The following VPS37A variants were observed in gnomAD, a reference collection of about 807,000 sequenced individuals.
The protein encoded by VPS37A is vacuolar protein sorting-associated protein 37A.
VPS37A carries 30 observed loss-of-function variants against 49.8 expected under a neutral mutation model. The ratio of observed to expected loss-of-function variants is 0.60; its 90% CI spans 0.45 to 0.82. The LOEUF (loss-of-function observed/expected upper bound fraction) is 0.82. Ranked by LOEUF, VPS37A falls within the 40% of genes least tolerant of loss-of-function variation. The probability of loss-of-function intolerance (pLI) is 0.00; values close to 1 mark genes in which losing one functional copy is unlikely to be tolerated. For missense variants in VPS37A, 593 were observed against 464.4 expected, an observed-to-expected ratio of 1.28 and a Z score of -2.55; for synonymous variants, 195 against 160.6, an observed-to-expected ratio of 1.21 and a Z score of -1.62.
chr8:17,328,910 A>G, the VPS37A span, among the ~76,000 whole-genome samples: 1 of 152,192 alleles, frequency 6.6e-6, no homozygotes, highest in Non-Finnish European at 1.5e-5. Context: ...TGAGACTTAC[A>G]AATGGAAGTT....
the VPS37A span, chr8:17,311,785 T>C: frequency 2.4e-6 from 3 of 1,261,106 alleles, no homozygotes; most frequent in African/African-American, 1.5e-5. Flanking sequence ...CCCCCCCTAA[T>C]TAGGGCAGAG....
At chr8:17,304,427 G>C (rs375705557), downstream of VPS37A, 11 of 1,613,958 alleles carry the variant, frequency 6.8e-6, no homozygotes, top group Non-Finnish European at 8.5e-6. Flanking sequence ...GGTTCCCTGA[G>C]TCTGGCTGTG....
At chr8:17,252,906 C>T (rs941828707) in intron 1 of VPS37A, among the ~76,000 whole-genome samples, 3 of 152,276 alleles carry the variant, frequency 2.0e-5, no homozygotes, top group East Asian at 1.9e-4. Context: ...GCACTTTGAG[C>T]TCTATATAGT....
chr8:17,325,160 A>G, the VPS37A span, among the ~76,000 whole-genome samples: 1 of 152,016 alleles, frequency 6.6e-6, no homozygotes, highest in African/African-American at 2.4e-5. Context: ...AGCAGAGAGA[A>G]CTATTTCAGA....
chr8:17,262,770 A>AT (rs1392415919), intron 1 of VPS37A, among the ~76,000 whole-genome samples: 3 of 152,310 alleles, frequency 2.0e-5, no homozygotes, highest in Non-Finnish European at 2.9e-5. Context: ...GCCATTAAAA[A>AT]TTATATTGTA....
chr8:17,298,510 G>A (rs1400491271), downstream of VPS37A: 2 of 151,206 alleles, frequency 1.3e-5, no homozygotes, highest in African/African-American at 2.4e-5. Context: ...TCTTGCCCTC[G>A]TCCTCATTTC....
At chr8:17,259,352 T>C (rs1812771621) in intron 1 of VPS37A, among the ~76,000 whole-genome samples, 3 of 152,140 alleles carry the variant, frequency 2.0e-5, no homozygotes, top group South Asian at 4.1e-4. Flanking sequence ...TTCAGTAGCA[T>C]GTTTAATTTC....
intron 1 of VPS37A, among the ~76,000 whole-genome samples, chr8:17,250,298 C>G (rs1811853257): frequency 6.6e-6 from 1 of 152,034 alleles, no homozygotes; most frequent in East Asian, 1.9e-4. Context: ...TTTCTGAGCC[C>G]CAATACTGGC....
chr8:17,329,876 A>ACCTGAG, the VPS37A span, among the ~76,000 whole-genome samples: 2 of 152,318 alleles, frequency 1.3e-5, no homozygotes, highest in East Asian at 3.9e-4. Context: ...TGTCACTGTG[A>ACCTGAG]CCTGAGAGAC....
chr8:17,323,128 A>G, the VPS37A span, among the ~76,000 whole-genome samples: 1 of 151,464 alleles, frequency 6.6e-6, no homozygotes, highest in Non-Finnish European at 1.5e-5. Flanking sequence ...TTGTATTTTC[A>G]GTAGAGATGG....
At chr8:17,314,928 C>A in the VPS37A span, among the ~76,000 whole-genome samples, 1 of 152,108 alleles carries the variant, frequency 6.6e-6, no homozygotes, top group African/African-American at 2.4e-5. Context: ...CACTATGTGT[C>A]TGATAAAGTA....
chr8:17,318,271 A>T, the VPS37A span, among the ~76,000 whole-genome samples: 12,940 of 152,088 alleles, frequency 0.085, 644 homozygotes, highest in African/African-American at 0.14. Context: ...TCTCACAGAC[A>T]CCCAGCAGAC....
chr8:17,248,060 A>G, intron 1 of VPS37A: 1 of 427,452 alleles, frequency 2.3e-6, no homozygotes, highest in Non-Finnish European at 4.3e-6. Context: ...CAGTTTAGAA[A>G]TATTTTTACA....
At chr8:17,249,934 A>T (rs750148344) in intron 1 of VPS37A, among the ~76,000 whole-genome samples, 1 of 152,200 alleles carries the variant, frequency 6.6e-6, no homozygotes, top group Non-Finnish European at 1.5e-5. Flanking sequence ...GGACAAAAAG[A>T]GTATGGTAAT....
downstream of VPS37A, among the ~76,000 whole-genome samples, chr8:17,302,925 G>A (rs1817222344): frequency 6.6e-6 from 1 of 151,706 alleles, no homozygotes; most frequent in Non-Finnish European, 1.5e-5. Flanking sequence ...TGGTCAGGTT[G>A]GTCATGAACT....
At chr8:17,317,542 G>A in the VPS37A span, among the ~76,000 whole-genome samples, 1 of 152,144 alleles carries the variant, frequency 6.6e-6, no homozygotes, top group African/African-American at 2.4e-5. Flanking sequence ...CAGAGTCCCT[G>A]CGGTCAACGT....
chr8:17,298,331 G>GAATT (rs1816874574), downstream of VPS37A: 1 of 151,950 alleles, frequency 6.6e-6, no homozygotes, highest in African/African-American at 2.4e-5. Flanking sequence ...TATTCTGAAA[G>GAATT]AATTAATTAC....
At chr8:17,265,507 A>T (rs1167396919) in intron 1 of VPS37A, among the ~76,000 whole-genome samples, 1 of 152,182 alleles carries the variant, frequency 6.6e-6, no homozygotes, top group Non-Finnish European at 1.5e-5. Flanking sequence ...AGCTGTTAAG[A>T]CCCAGACTTC....
intron 5 of VPS37A, among the ~76,000 whole-genome samples, chr8:17,275,287 A>G (rs373487939): frequency 5.3e-5 from 8 of 152,306 alleles, no homozygotes; most frequent in Admixed American, 2.0e-4. Flanking sequence ...TAGTGCCTCA[A>G]ATATACTGAT....
Sources: gnomAD v4.1 joint callset for allele counts (sites outside exome capture counted in the v4.1 genomes callset) on GRCh38, gnomAD v4.1.1 for gene constraint, MANE v1.5 for transcripts, NCBI Gene and HGNC (gene_info 2026-07-23, HGNC 2026-07-21) for gene names.